CLIP1: variants seen among roughly 807,000 people sequenced by gnomAD.
CLIP1 encodes the protein CAP-Gly domain-containing linker protein 1.
Under a neutral mutation model 161.6 loss-of-function variants are expected in CLIP1, and 66 were observed. That is an observed-to-expected ratio of 0.41 (90% CI 0.33 to 0.50). The LOEUF is 0.50. Ranked by LOEUF, CLIP1 falls within the 20% of genes least tolerant of loss-of-function variation. The pLI is 0.27. For missense variants in CLIP1, 1,376 were observed against 1,702.0 expected, an observed-to-expected ratio of 0.81 and a Z score of 3.37; for synonymous variants, 598 against 626.2, an observed-to-expected ratio of 0.96 and a Z score of 0.67.
chr12:122,276,051 A>C (rs1271388799), intron 24 of CLIP1, among the ~76,000 whole-genome samples: 1 of 152,222 alleles, frequency 6.6e-6, no homozygotes, highest in Non-Finnish European at 1.5e-5. Context: ...TTCCTTCTAC[A>C]AATAATGAAA....
chr12:122,416,322 A>G (rs1209699671), intron 1 of CLIP1, among the ~76,000 whole-genome samples: 4 of 152,172 alleles, frequency 2.6e-5, no homozygotes, highest in Non-Finnish European at 1.5e-5. Context: ...CCTTTGTGCC[A>G]TTGCCAAGGT....
In CLIP1 at chr12:122,323,322, T is replaced by C. The variant is rs188981984; in HGVS notation, c.3250-3974A>G. ...TTGTGGAGTTTTTCAGTGATTATTCTATTTTCACTTAAAAGTTCCTCTTTC... is the reference window on the plus strand; with the variant it reads ...TTGTGGAGTTTTTCAGTGATTATTCCATTTTCACTTAAAAGTTCCTCTTTC... On this transcript the variant is annotated intron_variant, in intron 17 of 25. Coordinates refer to ENST00000620786, the MANE Select transcript of CLIP1 (RefSeq NM_001247997.2). The surrounding 1 kb of genome is among the most constrained non-coding windows in gnomAD (Gnocchi z 4.1). The C allele has an allele frequency of 6.5e-6, 1 of 152,742 alleles. No homozygotes were observed. Among genetic ancestry groups the C allele is most frequent in the African/African-American group, 2.4e-5 (1 of 41,578 alleles). 9.5% of individuals were successfully genotyped at this position (152,742 alleles called of 1,614,324 possible). A position where few individuals can be genotyped will look rare whatever the true frequency, so the allele number is the denominator to read the frequency against.
At position 122,353,877 on chromosome 12, in the gene CLIP1, C is replaced by T. The variant is rs552583480; in HGVS notation, c.1307+576G>A. The stretch of plus-strand genomic sequence containing the variant: ...AACTTCTGACCTCAAGTGATCCACC[C>T]GCCTCAGCCTCCCAAAGTGCTGGGA... On this transcript the variant is annotated intron_variant, in intron 7 of 25. Coordinates refer to ENST00000620786, the MANE Select transcript of CLIP1 (RefSeq NM_001247997.2). 4.6e-5 allele frequency among the ~76,000 whole-genome samples: 7 copies of T among 151,736 alleles called. No individual in the cohort carries two copies. In the South Asian group the frequency reaches 8.3e-4, roughly 18 times the overall value.
Position 122,281,515 on chromosome 12 carries a change from C to T in CLIP1, c.3648-2370G>A, listed in dbSNP as rs534344287. Among the ~76,000 whole-genome samples, 5 of 151,984 alleles carry T rather than the reference C, an allele frequency of 3.3e-5. No individual in the cohort carries two copies. In the East Asian group the frequency reaches 9.7e-4, roughly 29 times the overall value. Reference sequence around the variant, plus strand: ...CAGCCTGGTTGACACAGTGAGACCCCCGTCTCTACAGAAACTTACAAAAAA... The same window carrying T: ...CAGCCTGGTTGACACAGTGAGACCCTCGTCTCTACAGAAACTTACAAAAAA... On this transcript the variant is annotated intron_variant, in intron 21 of 25. Coordinates refer to ENST00000620786, the MANE Select transcript of CLIP1 (RefSeq NM_001247997.2).
At chr12:122,403,292 CTG>C (rs1295996886) in intron 1 of CLIP1, among the ~76,000 whole-genome samples, 1 of 152,110 alleles carries the variant, frequency 6.6e-6, no homozygotes, top group Admixed American at 6.6e-5. Context: ...TAAGGAAGCT[CTG>C]CTGGCAGCAC....
At chr12:122,312,343 G>A (rs2136534996) in intron 19 of CLIP1, among the ~76,000 whole-genome samples, 1 of 152,294 alleles carries the variant, frequency 6.6e-6, no homozygotes, top group Non-Finnish European at 1.5e-5. Flanking sequence ...AATAGGAGCT[G>A]GCTAACCGAA....
intron 9 of CLIP1, among the ~76,000 whole-genome samples, chr12:122,350,846 T>C (rs193070385): frequency 8.9e-4 from 135 of 151,858 alleles, no homozygotes; most frequent in Middle Eastern, 3.4e-3. Flanking sequence ...CAAAAAACAT[T>C]TTTCCCCCCT....
chr12:122,344,791 TATTGGCTAGA>T (rs1952666136), intron 10 of CLIP1, among the ~76,000 whole-genome samples: 1 of 152,190 alleles, frequency 6.6e-6, no homozygotes, highest in African/African-American at 2.4e-5. Context: ...AAACTGGATT[TATTGGCTAGA>T]AAGTATTCTA....
chr12:122,357,289 G>C (rs1197070542), intron 5 of CLIP1, among the ~76,000 whole-genome samples: 2 of 148,938 alleles, frequency 1.3e-5, no homozygotes, highest in Admixed American at 6.7e-5. Flanking sequence ...ACCTGGCCGC[G>C]ACCCTGTCTG....
chr12:122,391,530 G>A (rs188933180), intron 1 of CLIP1, among the ~76,000 whole-genome samples: 38 of 152,340 alleles, frequency 2.5e-4, no homozygotes, highest in African/African-American at 8.7e-4. Flanking sequence ...AGGGTGCAGT[G>A]AGCTGAGATC....
chr12:122,277,272 CTTT>C (rs1332757917), intron 24 of CLIP1: 1 of 151,708 alleles, frequency 6.6e-6, no homozygotes, highest in African/African-American at 2.4e-5. Flanking sequence ...CCCTTAAAAA[CTTT>C]TTTTTAATTA....
At chr12:122,326,952 C>T (rs1265160407) in intron 17 of CLIP1, among the ~76,000 whole-genome samples, 1 of 152,140 alleles carries the variant, frequency 6.6e-6, no homozygotes, top group Non-Finnish European at 1.5e-5. Context: ...ACACACATAC[C>T]ATGTCATGTC....
At chr12:122,414,720 T>C (rs1956665342) in intron 1 of CLIP1, among the ~76,000 whole-genome samples, 1 of 152,014 alleles carries the variant, frequency 6.6e-6, no homozygotes, top group African/African-American at 2.4e-5. Flanking sequence ...CGCCTCGGCC[T>C]CCCAAAGTGC....
chr12:122,291,821 T>A lies in CLIP1; in HGVS notation c.3595-3280A>T, dbSNP rs74503993. On this transcript the variant is annotated intron_variant, in intron 20 of 25. Coordinates refer to ENST00000620786, the MANE Select transcript of CLIP1 (RefSeq NM_001247997.2). ...GGGATACGTTTTGAAACTACGTAAA[T>A]ATCCTGTTATTCAACAAACTTTTAC... Among the ~76,000 whole-genome samples, 1,377 of 152,344 alleles carry A rather than the reference T, an allele frequency of 9.0e-3. 26 individuals carry two copies. Among genetic ancestry groups the A allele is most frequent in the African/African-American group, 0.032 (1,317 of 41,574 alleles).
intron 3 of CLIP1, among the ~76,000 whole-genome samples, chr12:122,368,273 ACAGACAAGAAGATT>A (rs1441505123): frequency 6.6e-6 from 1 of 152,220 alleles, no homozygotes; most frequent in Non-Finnish European, 1.5e-5. Context: ...ATTGAGGGAG[ACAGACAAGAAGATT>A]CAGACAAGAA....
At chr12:122,376,011 T>G (rs1954708598) in intron 3 of CLIP1, among the ~76,000 whole-genome samples, 1 of 152,054 alleles carries the variant, frequency 6.6e-6, no homozygotes, top group African/African-American at 2.4e-5. Flanking sequence ...CGATCTTGGC[T>G]CACTGCAACC....
At position 122,272,408 on chromosome 12, in the gene CLIP1, T is replaced by A. The variant is rs1442993950; in HGVS notation, c.*467A>T. Reference sequence around the variant, plus strand: ...TTCTTTGAATAAGAATAAAATACTTTAAATGAGTAGATGAAAATGCAAAAT... The same window carrying A: ...TTCTTTGAATAAGAATAAAATACTTAAAATGAGTAGATGAAAATGCAAAAT... On this transcript the variant is annotated 3_prime_UTR_variant, in exon 26 of 26. Transcript: ENST00000620786. 6.1e-6 allele frequency: 1 copy of A among 163,690 alleles called. No homozygotes were observed. Among genetic ancestry groups the A allele is most frequent in the Admixed American group, 6.0e-5 (1 of 16,756 alleles). 10.1% of individuals were successfully genotyped at this position (163,690 alleles called of 1,614,324 possible).
intron 20 of CLIP1, among the ~76,000 whole-genome samples, chr12:122,294,588 C>A (rs757001953): frequency 1.1e-4 from 17 of 151,890 alleles, no homozygotes; most frequent in Middle Eastern, 3.4e-3. Context: ...CATAGTGAGA[C>A]CTTGTCTCTA....
intron 1 of CLIP1, among the ~76,000 whole-genome samples, chr12:122,382,602 C>T (rs980911398): frequency 4.0e-5 from 6 of 151,358 alleles, no homozygotes; most frequent in African/African-American, 1.2e-4. Context: ...ATCCCAGGTA[C>T]TCAGGTGGCA....
Sources: gnomAD v4.1 joint callset for allele counts (sites outside exome capture counted in the v4.1 genomes callset) on GRCh38, gnomAD v4.1.1 for gene constraint, Gnocchi (gnomAD v3.1) non-coding constraint, MANE v1.5 for transcripts, NCBI Gene and HGNC (gene_info 2026-07-23, HGNC 2026-07-21) for gene names.